PGM5: variants seen among roughly 807,000 people sequenced by gnomAD.
The protein encoded by PGM5 is phosphoglucomutase 5.
In PGM5, 23 loss-of-function variants were observed where a neutral mutation model predicts 59.2. The ratio of observed to expected loss-of-function variants is 0.39; its 90% CI spans 0.28 to 0.55. The LOEUF (loss-of-function observed/expected upper bound fraction) is 0.55. Ranked by LOEUF, PGM5 falls within the 20% of genes least tolerant of loss-of-function variation. The pLI, the probability that PGM5 is intolerant of heterozygous loss-of-function variation, is 0.66. For missense variants in PGM5, 574 were observed against 748.3 expected (o/e 0.77, Z 2.72); for synonymous variants, 214 against 286.0 (o/e 0.75, Z 2.54).
In PGM5 at chr9:68,357,085, C is replaced by T. The variant is rs1554675751; in HGVS notation, c.-43C>T. On this transcript the variant is annotated 5_prime_UTR_variant, in exon 1 of 11. Transcript: ENST00000396396. ...GAGGCCCCCGGCAGGCTGCAGATTCCCTCCGGCTCCGGGAGCCGCAGCAGG... is the reference window on the plus strand; with the variant it reads ...GAGGCCCCCGGCAGGCTGCAGATTCTCTCCGGCTCCGGGAGCCGCAGCAGG... The T allele has an allele frequency of 9.7e-6, 14 of 1,438,458 alleles. No homozygotes were observed. The South Asian group carries it at 1.9e-4, about 19-fold the overall frequency. The allele number at this position is 1,438,458 out of a possible 1,614,324, so 89.1% of individuals were successfully genotyped here.
chr9:68,453,968 T>C (rs2132072115), intron 6 of PGM5, among the ~76,000 whole-genome samples: 1 of 151,832 alleles, frequency 6.6e-6, no homozygotes, highest in East Asian at 1.9e-4. Flanking sequence ...GGATGAAGAG[T>C]GTACTGGTGT....
chr9:68,451,295 C>T (rs1823692354), intron 6 of PGM5, among the ~76,000 whole-genome samples: 1 of 152,192 alleles, frequency 6.6e-6, no homozygotes, highest in Non-Finnish European at 1.5e-5. Context: ...CATGTTGTCA[C>T]TTTATTCTTA....
intron 6 of PGM5, among the ~76,000 whole-genome samples, chr9:68,414,631 A>G (rs1471478246): frequency 6.6e-6 from 1 of 151,846 alleles, no homozygotes; most frequent in Non-Finnish European, 1.5e-5. Flanking sequence ...ATGATAAGGC[A>G]CATCTCTGCT....
intron 6 of PGM5, among the ~76,000 whole-genome samples, chr9:68,434,744 C>T (rs782022088): frequency 3.3e-5 from 5 of 151,460 alleles, no homozygotes; most frequent in East Asian, 1.9e-4. Context: ...AGTCGGAGAT[C>T]GCACCACTGC....
At position 68,499,249 on chromosome 9, in the gene PGM5, A is replaced by G. The variant is rs782354365; in HGVS notation, c.1502A>G (p.Asp501Gly). Reference sequence around the variant, plus strand: ...CAGGGCCTAAGGATCATTTTCTCGGATGCATCACGGCTCATCTTCCGGCTC... The same window carrying G: ...CAGGGCCTAAGGATCATTTTCTCGGGTGCATCACGGCTCATCTTCCGGCTC... Reference protein sequence around the residue: ...KKQGLRIIFSDASRLIFRLSS... With the variant: ...KKQGLRIIFSGASRLIFRLSS... Residue 501 changes from aspartate to glycine, a missense_variant, in exon 10 of 11, where the codon GAT (aspartate) becomes GGT (glycine). By Grantham distance (94) the Asp-to-Gly change is moderately conservative (BLOSUM62 -1). Coordinates refer to ENST00000396396, the MANE Select transcript of PGM5 (RefSeq NM_021965.4). The G allele has an allele frequency of 6.2e-7, 1 of 1,614,128 alleles. No individual in the cohort carries two copies. The highest frequency in any genetic ancestry group is 8.5e-7 in the Non-Finnish European group (1 of 1,180,020).
At chr9:68,492,096 C>T (rs1424745898) in intron 9 of PGM5, among the ~76,000 whole-genome samples, 6 of 152,084 alleles carry the variant, frequency 3.9e-5, no homozygotes, top group Non-Finnish European at 7.3e-5. Flanking sequence ...TCTGTGTTGT[C>T]GGGTGGATGA....
At chr9:68,521,184 T>A (rs1185705081) in intron 10 of PGM5, among the ~76,000 whole-genome samples, 1 of 152,230 alleles carries the variant, frequency 6.6e-6, no homozygotes, top group Non-Finnish European at 1.5e-5. Flanking sequence ...TTTCCTCATC[T>A]GTAAAATGAG....
intron 10 of PGM5, among the ~76,000 whole-genome samples, chr9:68,512,967 C>G (rs189917224): frequency 3.9e-4 from 59 of 152,316 alleles, no homozygotes; most frequent in African/African-American, 1.4e-3. Context: ...AACCATTAAA[C>G]ATAAAAACCA....
chr9:68,477,775 A>C (rs527729532), intron 7 of PGM5, among the ~76,000 whole-genome samples: 1 of 152,358 alleles, frequency 6.6e-6, no homozygotes, highest in Admixed American at 6.5e-5. Flanking sequence ...ATCTGGGCAT[A>C]TTTAGTTGCT....
rs781820403 is a variant in PGM5, at chr9:68,483,895, G to A, written c.1326G>A (p.Thr442=). ...RFDYEGLDPK[T]TYYIMRDLEA... ...ACTATGAGGGGTTGGATCCCAAGAC[G>A]ACATATTATATCATGAGGGACCTGG... Residue 442 remains threonine (T), a synonymous_variant, in exon 9 of 11, where the codon ACG becomes ACA. Transcript: ENST00000396396. The A allele has an allele frequency of 1.6e-5, 26 of 1,614,020 alleles. No homozygotes were observed. The highest frequency in any genetic ancestry group is 5.5e-5 in the South Asian group (5 of 91,086).
intron 6 of PGM5, among the ~76,000 whole-genome samples, chr9:68,435,862 G>A (rs1457314060): frequency 1.3e-5 from 2 of 152,118 alleles, no homozygotes; most frequent in Non-Finnish European, 2.9e-5. Context: ...TAAGAACAGG[G>A]ACCACATCTG....
chr9:68,402,769 T>C (rs570506196), intron 6 of PGM5, among the ~76,000 whole-genome samples: 1 of 152,186 alleles, frequency 6.6e-6, no homozygotes, highest in African/African-American at 2.4e-5. Context: ...TAAGTCATCT[T>C]AGGCCTGAAG....
chr9:68,380,830 C>T (rs1199946709), intron 2 of PGM5, among the ~76,000 whole-genome samples: 2 of 151,800 alleles, frequency 1.3e-5, no homozygotes, highest in African/African-American at 4.8e-5. Flanking sequence ...ATTGGAGGAC[C>T]TAGAAGAAAT....
chr9:68,428,555 G>A (rs1823285015), intron 6 of PGM5: 1 of 152,164 alleles, frequency 6.6e-6, no homozygotes, highest in Non-Finnish European at 1.5e-5. Context: ...TGTTTCCCCT[G>A]AGCCAAGATC....
intron 9 of PGM5, chr9:68,497,106 A>G (rs1554688213): frequency 2.0e-5 from 3 of 152,262 alleles, no homozygotes; most frequent in Admixed American, 6.5e-5. Context: ...GTTTGAACGT[A>G]ACTTGAAATA....
intron 6 of PGM5, chr9:68,406,423 C>G (rs1296261923): frequency 6.7e-6 from 1 of 149,894 alleles, no homozygotes; most frequent in African/African-American, 2.5e-5. Context: ...CATGCTAGCT[C>G]AGGTCTCTCT....
At chr9:68,466,056 T>C in intron 7 of PGM5, 1 of 928,582 alleles carries the variant, frequency 1.1e-6, no homozygotes, top group Non-Finnish European at 1.5e-6. Flanking sequence ...TCTCTTGTCC[T>C]TCTGAGGCTC....
At chr9:68,446,544 G>A (rs542695668) in intron 6 of PGM5, among the ~76,000 whole-genome samples, 1 of 152,298 alleles carries the variant, frequency 6.6e-6, no homozygotes, top group African/African-American at 2.4e-5. Context: ...AAGCCTGATT[G>A]GTTGTGTACG....
At chr9:68,464,630 AGT>A (rs150913435) in intron 6 of PGM5, 6 of 152,116 alleles carry the variant, frequency 3.9e-5, no homozygotes, top group Admixed American at 6.6e-5. Flanking sequence ...AAATGTCTAA[AGT>A]GTGTGTGTGT....
Sources: allele counts gnomAD v4.1 joint callset (sites outside exome capture counted in the v4.1 genomes callset), GRCh38; gene constraint gnomAD v4.1.1; transcripts MANE v1.5; gene names NCBI Gene and HGNC (gene_info 2026-07-23, HGNC 2026-07-21).